RBFOX1: variants seen among roughly 807,000 people sequenced by gnomAD.
The protein encoded by RBFOX1 is RNA binding protein fox-1 homolog 1.
In RBFOX1, 8 loss-of-function variants were observed where a neutral mutation model predicts 57.7. The observed-to-expected ratio is 0.14, with a 90% CI of 0.08 to 0.25. The LOEUF is 0.25. RBFOX1 is among the 10% of genes least tolerant of loss of function. The pLI is 1.00. For missense variants in RBFOX1, 611 were observed against 548.5 expected, an observed-to-expected ratio of 1.11 and a Z score of -1.14; for synonymous variants, 326 against 222.4, an observed-to-expected ratio of 1.47 and a Z score of -4.15.
chr16:6,630,896 A>G (rs931265282), intron 2 of RBFOX1, among the ~76,000 whole-genome samples: 1 of 152,184 alleles, frequency 6.6e-6, no homozygotes, highest in Non-Finnish European at 1.5e-5. Flanking sequence ...GCTATGATAA[A>G]TGCTGCTTTA....
In RBFOX1 at chr16:7,204,459, T is replaced by G. The variant is rs539423516; in HGVS notation, c.27+152361T>G. On this transcript the variant is annotated intron_variant, in intron 4 of 15. Coordinates refer to ENST00000550418, the MANE Select transcript of RBFOX1 (RefSeq NM_018723.4). ...GAGTTTGAGACCAGCCTAAGCAACA[T>G]AGTAAGACATTGTCTCTATAAAAAT... Among the ~76,000 whole-genome samples the G allele has an allele frequency of 4.6e-5, 7 of 152,186 alleles. No homozygotes were observed. In the East Asian group the frequency reaches 1.4e-3, roughly 30 times the overall value.
chr16:6,952,874 C>G (rs757427336), intron 3 of RBFOX1, among the ~76,000 whole-genome samples: 1 of 151,934 alleles, frequency 6.6e-6, no homozygotes, highest in East Asian at 1.9e-4. Context: ...ATTGGGGAGG[C>G]TGAGGCAGGA....
chr16:6,443,658 C>T (rs571961408), intron 2 of RBFOX1, among the ~76,000 whole-genome samples: 1 of 152,292 alleles, frequency 6.6e-6, no homozygotes, highest in East Asian at 1.9e-4. Context: ...CAATTTTAAT[C>T]AGTGATTTAT....
intron 1 of RBFOX1, among the ~76,000 whole-genome samples, chr16:6,025,954 C>G (rs549002960): frequency 7.9e-5 from 12 of 152,298 alleles, no homozygotes; most frequent in Admixed American, 2.0e-4. Context: ...GTAGCACAAG[C>G]TGAGCCAAGC....
intron 3 of RBFOX1, among the ~76,000 whole-genome samples, chr16:5,695,551 A>G (rs2050820256): frequency 6.6e-6 from 1 of 152,200 alleles, no homozygotes; most frequent in African/African-American, 2.4e-5. Flanking sequence ...CAGTCAAAAT[A>G]ATTGGTCAAT....
chr16:6,323,759 C>G (rs1276853064), intron 2 of RBFOX1, among the ~76,000 whole-genome samples: 1 of 151,052 alleles, frequency 6.6e-6, no homozygotes, highest in Non-Finnish European at 1.5e-5. Flanking sequence ...GGGTATGTTG[C>G]ATAGTAGTGA....
At chr16:5,717,509 C>T (rs574047641) in intron 3 of RBFOX1, among the ~76,000 whole-genome samples, 24 of 152,292 alleles carry the variant, frequency 1.6e-4, no homozygotes, top group African/African-American at 5.5e-4. Context: ...CCCCCTCCCA[C>T]CCTTCACCCT....
rs151029615 is a variant in RBFOX1 at position 6,484,410 on chromosome 16, G to A, written c.-64+167353G>A. On this transcript the variant is annotated intron_variant, in intron 2 of 15. Transcript: ENST00000550418. The stretch of plus-strand genomic sequence containing the variant: ...TTTCCCATGGAAGAGAGATTAAATT[G>A]ACAATACTGAACACGCTTCGACTTG... 1.4e-3 allele frequency among the ~76,000 whole-genome samples: 211 copies of A among 152,070 alleles called. 1 individual carries two copies. The highest frequency in any genetic ancestry group is 4.8e-3 in the African/African-American group (199 of 41,542).
At chr16:5,643,190 G>C (rs1172009618) in intron 3 of RBFOX1, among the ~76,000 whole-genome samples, 1 of 152,202 alleles carries the variant, frequency 6.6e-6, no homozygotes, top group Non-Finnish European at 1.5e-5. Context: ...AGAAGCAGGA[G>C]GGTGAGGAAC....
chr16:5,295,335 A>G (rs781776133), intron 1 of RBFOX1, among the ~76,000 whole-genome samples: 8 of 152,162 alleles, frequency 5.3e-5, no homozygotes, highest in Non-Finnish European at 8.8e-5. Context: ...CAGTTTTTAT[A>G]TTAGTTATCT....
chr16:7,543,954 C>T (rs1488848332), intron 5 of RBFOX1, among the ~76,000 whole-genome samples: 1 of 152,204 alleles, frequency 6.6e-6, no homozygotes, highest in Non-Finnish European at 1.5e-5. Context: ...CTCCTAACTT[C>T]ATGACCCACC....
chr16:7,048,314 C>T (rs1195266554), intron 3 of RBFOX1, among the ~76,000 whole-genome samples: 3 of 152,040 alleles, frequency 2.0e-5, no homozygotes, highest in Non-Finnish European at 4.4e-5. Context: ...GGCTAGAGTG[C>T]AGTGGCACAA....
chr16:6,934,840 C>G (rs894122273), intron 3 of RBFOX1, among the ~76,000 whole-genome samples: 6 of 152,128 alleles, frequency 3.9e-5, no homozygotes, highest in Non-Finnish European at 5.9e-5. Flanking sequence ...AATCCCAGCA[C>G]TTTGGAAGGC....
intron 4 of RBFOX1, among the ~76,000 whole-genome samples, chr16:7,466,406 A>G (rs934926677): frequency 1.3e-5 from 2 of 152,176 alleles, no homozygotes; most frequent in African/African-American, 4.8e-5. Context: ...CTTCCCAGTG[A>G]GGCAGGTACT....
intron 3 of RBFOX1, among the ~76,000 whole-genome samples, chr16:5,742,155 C>T (rs1426975981): frequency 1.3e-5 from 2 of 152,106 alleles, no homozygotes; most frequent in African/African-American, 4.8e-5. Flanking sequence ...TCATTTGGTT[C>T]AAGATGGGAA....
chr16:6,895,105 G>T (rs1596430951), intron 3 of RBFOX1, among the ~76,000 whole-genome samples: 1 of 152,028 alleles, frequency 6.6e-6, no homozygotes, highest in Admixed American at 6.6e-5. Flanking sequence ...AATAAAGTCT[G>T]GTCCTCTTTT....
chr16:6,310,649 A>G lies in RBFOX1; in HGVS notation c.-126-6346A>G, dbSNP rs544245339. On this transcript the variant is annotated intron_variant, in intron 1 of 15. Transcript: ENST00000550418. ...CTTTGAAACCAAATCTGTGTCCAAA[A>G]CCTGTAGGATGTCAAACTATTTGTC... Among the ~76,000 whole-genome samples, 45 of 152,226 alleles carry G rather than the reference A, an allele frequency of 3.0e-4. 2 individuals carry two copies. In the East Asian group the frequency reaches 7.7e-3, roughly 26 times the overall value.
At chr16:5,284,447 C>T (rs1489901726) in intron 1 of RBFOX1, among the ~76,000 whole-genome samples, 1 of 152,064 alleles carries the variant, frequency 6.6e-6, no homozygotes, top group Admixed American at 6.6e-5. Context: ...TCTTTTGCTT[C>T]CCAATGTAGG....
At chr16:6,689,572 C>A (rs2059921601) in intron 3 of RBFOX1, among the ~76,000 whole-genome samples, 1 of 152,142 alleles carries the variant, frequency 6.6e-6, no homozygotes, top group Non-Finnish European at 1.5e-5. Flanking sequence ...GTGCCTCAGC[C>A]TGTCTATGAC....
Sources: allele counts gnomAD v4.1 joint callset (sites outside exome capture counted in the v4.1 genomes callset), GRCh38; gene constraint gnomAD v4.1.1; transcripts MANE v1.5; gene names NCBI Gene and HGNC (gene_info 2026-07-23, HGNC 2026-07-21).